Variants in MAGI1 observed in about 807,000 individuals in gnomAD.
The protein encoded by MAGI1 is membrane-associated guanylate kinase, WW and PDZ domain-containing protein 1.
A neutral mutation model predicts 139.9 loss-of-function variants in MAGI1; 58 were observed. The observed-to-expected ratio is 0.41, with a 90% CI of 0.34 to 0.52. MAGI1 has a LOEUF of 0.52. Ranked by LOEUF, MAGI1 falls within the 20% of genes least tolerant of loss-of-function variation. The pLI, the probability that MAGI1 is intolerant of heterozygous loss-of-function variation, is 0.12. For missense variants in MAGI1, 1,874 were observed against 1,901.6 expected (o/e 0.99, Z 0.27); for synonymous variants, 812 against 737.9 (o/e 1.10, Z -1.63).
chr3:65,585,101 ACCAT>A (rs2081612774), intron 2 of MAGI1, among the ~76,000 whole-genome samples: 1 of 152,224 alleles, frequency 6.6e-6, no homozygotes, highest in Non-Finnish European at 1.5e-5. Flanking sequence ...AGTCATTAAG[ACCAT>A]TTATAGATGA....
At chr3:65,776,871 C>A (rs962151518) in intron 1 of MAGI1, among the ~76,000 whole-genome samples, 2 of 152,222 alleles carry the variant, frequency 1.3e-5, no homozygotes, top group Admixed American at 1.3e-4. Context: ...TTCTATCCAT[C>A]GCTGGCTGCT....
intron 2 of MAGI1, among the ~76,000 whole-genome samples, chr3:65,556,435 T>G (rs1056127428): frequency 2.0e-4 from 30 of 152,218 alleles, no homozygotes; most frequent in Non-Finnish European, 1.0e-4. Flanking sequence ...GTCTCTAATT[T>G]CAAGATCAGT....
chr3:65,719,112 A>G (rs988646118), intron 1 of MAGI1, among the ~76,000 whole-genome samples: 1 of 152,056 alleles, frequency 6.6e-6, no homozygotes, highest in South Asian at 2.1e-4. Context: ...TTTTTAAACC[A>G]AAACATTGTG....
intron 2 of MAGI1, among the ~76,000 whole-genome samples, chr3:65,538,196 C>T (rs1663116396): frequency 6.6e-6 from 1 of 152,164 alleles, no homozygotes; most frequent in Admixed American, 6.5e-5. Context: ...CACCCTCTGC[C>T]TTTTCCACTA....
chr3:65,787,764 T>C (rs2039496583), intron 1 of MAGI1, among the ~76,000 whole-genome samples: 1 of 151,932 alleles, frequency 6.6e-6, no homozygotes, highest in Middle Eastern at 3.2e-3. Flanking sequence ...TAAATGGATA[T>C]GATAACACCG....
rs2079520017 is a variant in MAGI1, at chr3:65,546,603, G to A, written c.431-52972C>T. 2.6e-5 allele frequency among the ~76,000 whole-genome samples: 4 copies of A among 152,152 alleles called. No individual in the cohort carries two copies. The South Asian group carries it at 8.3e-4, about 32-fold the overall frequency. ...ACATCTATAAAACCACATCAGAGAA[G>A]ATATTCATTCTAGAATTGTTTAACT... On this transcript the variant is annotated intron_variant, in intron 2 of 22. Coordinates refer to ENST00000402939, the MANE Select transcript of MAGI1 (RefSeq NM_001033057.2).
chr3:66,037,554 A>T (rs140846223), intron 1 of MAGI1, among the ~76,000 whole-genome samples: 69 of 152,268 alleles, frequency 4.5e-4, no homozygotes, highest in African/African-American at 1.5e-3. Flanking sequence ...GGGGAGGTCC[A>T]ATAAACTACA....
At chr3:65,866,246 T>C (rs552574434) in intron 1 of MAGI1, among the ~76,000 whole-genome samples, 155 of 151,860 alleles carry the variant, frequency 1.0e-3, no homozygotes, top group African/African-American at 3.5e-3. Context: ...CAGAGTCTTG[T>C]TTTGTTGCTC....
intron 1 of MAGI1, among the ~76,000 whole-genome samples, chr3:65,982,367 A>C (rs2065629793): frequency 6.6e-6 from 1 of 152,118 alleles, no homozygotes. Flanking sequence ...TGCAAGGTGC[A>C]TTTTACAGAA....
intron 1 of MAGI1, among the ~76,000 whole-genome samples, chr3:66,025,112 G>C (rs2035025262): frequency 6.6e-6 from 1 of 152,192 alleles, no homozygotes; most frequent in Admixed American, 6.5e-5. Context: ...TCATCAATAT[G>C]TTATATAAAA....
intron 3 of MAGI1, among the ~76,000 whole-genome samples, chr3:65,485,505 A>G (rs568280229): frequency 1.2e-4 from 19 of 152,294 alleles, no homozygotes; most frequent in African/African-American, 4.3e-4. Flanking sequence ...TCAAGATTAA[A>G]TTAGATAATG....
At chr3:66,025,654 G>T (rs1396569650) in intron 1 of MAGI1, among the ~76,000 whole-genome samples, 4 of 152,032 alleles carry the variant, frequency 2.6e-5, no homozygotes, top group Non-Finnish European at 5.9e-5. Context: ...ATAAGAAAAA[G>T]CCCCCCCATC....
intron 1 of MAGI1, among the ~76,000 whole-genome samples, chr3:65,631,221 C>T (rs935597210): frequency 3.3e-5 from 5 of 152,168 alleles, no homozygotes; most frequent in Non-Finnish European, 7.3e-5. Context: ...GAAGACACCA[C>T]ATGCAATGGA....
chr3:65,972,019 C>G (rs1272329299), intron 1 of MAGI1, among the ~76,000 whole-genome samples: 1 of 152,180 alleles, frequency 6.6e-6, no homozygotes, highest in African/African-American at 2.4e-5. Context: ...CAAAGGGCAA[C>G]AGACTATTCT....
intron 1 of MAGI1, among the ~76,000 whole-genome samples, chr3:65,703,124 C>A (rs758384298): frequency 6.6e-6 from 1 of 152,138 alleles, no homozygotes; most frequent in African/African-American, 2.4e-5. Flanking sequence ...AGGCATGATG[C>A]GCATCTCTCT....
rs549605355 is a variant in MAGI1 at position 65,768,742 on chromosome 3, T to C, written c.314-146654A>G. On this transcript the variant is annotated intron_variant, in intron 1 of 22. Coordinates refer to ENST00000402939, the MANE Select transcript of MAGI1 (RefSeq NM_001033057.2). Reference sequence around the variant, plus strand: ...TGGTAGAACACACAGGAGTCCCAGTTTGAACCTTCCTACAATTTAATTTTT... The same window carrying C: ...TGGTAGAACACACAGGAGTCCCAGTCTGAACCTTCCTACAATTTAATTTTT... Among the ~76,000 whole-genome samples the C allele has an allele frequency of 9.8e-5, 15 of 152,322 alleles. No homozygotes were observed. The South Asian group carries it at 2.5e-3, about 25-fold the overall frequency.
intron 5 of MAGI1, among the ~76,000 whole-genome samples, chr3:65,467,135 C>G (rs751584379): frequency 1.8e-4 from 28 of 152,306 alleles, no homozygotes; most frequent in Middle Eastern, 3.4e-3. Context: ...CCTAGCCAGT[C>G]TGTCTTATTT....
At chr3:65,630,917 A>C (rs1368490135) in intron 1 of MAGI1, among the ~76,000 whole-genome samples, 2 of 152,268 alleles carry the variant, frequency 1.3e-5, no homozygotes. Context: ...CTTGCAGGCC[A>C]TGATAAAGAG....
In MAGI1 at chr3:65,429,802, C is replaced by T; in HGVS notation, c.1885G>A (p.Val629Ile). 1 of 1,613,984 alleles carries T rather than the reference C, an allele frequency of 6.2e-7. No homozygotes were observed. The highest frequency in any genetic ancestry group is 8.5e-7 in the Non-Finnish European group (1 of 1,179,962). ...GTGGCTATGGAGGAAGCCAAAGAAA[C>T]AGTGTCATTAGGATAACCATGAGAA... ...NSSHGYPNDT[V>I]SLASSIATQP... The change falls in exon 12 of 23, where the codon GTT becomes ATT. Residue 629 changes from valine (V) to isoleucine (I), a missense_variant. By Grantham distance (29) the Val-to-Ile change is conservative. Coordinates refer to ENST00000402939, the MANE Select transcript of MAGI1 (RefSeq NM_001033057.2).
Sources: allele counts gnomAD v4.1 joint callset (sites outside exome capture counted in the v4.1 genomes callset), GRCh38; gene constraint gnomAD v4.1.1; transcripts MANE v1.5; gene names NCBI Gene and HGNC (gene_info 2026-07-23, HGNC 2026-07-21).